The following INTS7 variants were observed in gnomAD, a reference collection of about 807,000 sequenced individuals.
INTS7 encodes the protein chromosome 1 open reading frame 73.
A neutral mutation model predicts 109.2 loss-of-function variants in INTS7; 46 were observed. The ratio of observed to expected loss-of-function variants is 0.42; its 90% confidence interval spans 0.33 to 0.54. The LOEUF (loss-of-function observed/expected upper bound fraction) is 0.54, where lower values mean the gene tolerates loss of function less well. Among genes scored for constraint, INTS7 ranks in the 20% least tolerant of loss-of-function variants. INTS7 has a pLI of 0.07. For synonymous variants in INTS7, 412 were observed against 402.9 expected (o/e 1.02, Z -0.27); for missense variants, 929 against 1,132.4 (o/e 0.82, Z 2.58).
intron 1 of INTS7, chr1:212,030,744 A>G (rs1467556981): frequency 6.6e-6 from 1 of 152,216 alleles, no homozygotes; most frequent in Non-Finnish European, 1.5e-5. Flanking sequence ...CACCTGGAAC[A>G]AATCTGGCTG....
At chr1:211,950,044 C>T (rs932341047) in intron 17 of INTS7, among the ~76,000 whole-genome samples, 1 of 152,192 alleles carries the variant, frequency 6.6e-6, no homozygotes, top group African/African-American at 2.4e-5. Flanking sequence ...TTTTGTACTA[C>T]ATCTCTACCT....
At chr1:211,945,177 T>G (rs1161245934) in intron 18 of INTS7, among the ~76,000 whole-genome samples, 1 of 152,110 alleles carries the variant, frequency 6.6e-6, no homozygotes, top group African/African-American at 2.4e-5. Context: ...ATCCCAAACC[T>G]CAGTTCTATT....
At chr1:212,026,384 T>A (rs1375224584) in intron 1 of INTS7, among the ~76,000 whole-genome samples, 7 of 152,212 alleles carry the variant, frequency 4.6e-5, no homozygotes, top group African/African-American at 1.7e-4. Context: ...TTATAATAAA[T>A]GTTTCTATGG....
intron 1 of INTS7, among the ~76,000 whole-genome samples, chr1:212,022,486 G>A (rs1213604835): frequency 1.3e-5 from 2 of 152,090 alleles, no homozygotes; most frequent in East Asian, 3.8e-4. Flanking sequence ...AAGAATTGAA[G>A]AGAAATTTCA....
At chr1:212,001,303 G>A (rs1665662306) in intron 7 of INTS7, among the ~76,000 whole-genome samples, 4 of 151,728 alleles carry the variant, frequency 2.6e-5, no homozygotes, top group African/African-American at 2.4e-5. Context: ...TACCCACCTC[G>A]GCTTCCCAAA....
At chr1:211,979,757 TG>T (rs952668670) in intron 10 of INTS7, among the ~76,000 whole-genome samples, 7 of 152,306 alleles carry the variant, frequency 4.6e-5, no homozygotes, top group Non-Finnish European at 8.8e-5. Flanking sequence ...CAGCAGTCAT[TG>T]GGCTCAAACA....
At chr1:211,954,206 A>G (rs1663250015) in intron 16 of INTS7, among the ~76,000 whole-genome samples, 1 of 151,702 alleles carries the variant, frequency 6.6e-6, no homozygotes, top group Non-Finnish European at 1.5e-5. Context: ...TTCTTTTGAG[A>G]AGTGTCTGTT....
rs1034352280 is a variant in INTS7, at chr1:211,942,311, G to A, written c.2602-200C>T. Reference sequence around the variant, plus strand: ...CTCCAAAGTCACATGATTAGTGAACGGAGTAGGAATCTGAACACAGGCAGA... The same window carrying A: ...CTCCAAAGTCACATGATTAGTGAACAGAGTAGGAATCTGAACACAGGCAGA... On this transcript the variant is annotated intron_variant, in intron 19 of 19. Coordinates refer to ENST00000366994, the MANE Select transcript of INTS7 (RefSeq NM_015434.4). The surrounding 1 kb of genome is among the most constrained non-coding windows in gnomAD (Gnocchi z 4.2). 2.0e-5 allele frequency among the ~76,000 whole-genome samples: 3 copies of A among 152,124 alleles called. No homozygotes were observed. Among genetic ancestry groups the A allele is most frequent in the Admixed American group, 6.5e-5 (1 of 15,272 alleles).
intron 4 of INTS7, among the ~76,000 whole-genome samples, chr1:212,014,659 C>A (rs1666326091): frequency 6.6e-6 from 1 of 151,506 alleles, no homozygotes. Context: ...GATTCTCCTG[C>A]CTCAGCCTGC....
intron 16 of INTS7, among the ~76,000 whole-genome samples, chr1:211,962,868 C>T (rs1352655972): frequency 6.6e-6 from 1 of 152,084 alleles, no homozygotes; most frequent in Non-Finnish European, 1.5e-5. Flanking sequence ...CTCTGGAACA[C>T]AGCTAGTGTT....
intron 3 of INTS7, among the ~76,000 whole-genome samples, chr1:212,017,312 T>C (rs1666485547): frequency 6.6e-6 from 1 of 152,220 alleles, no homozygotes; most frequent in Non-Finnish European, 1.5e-5. Flanking sequence ...ACTTCTGAAT[T>C]ATTAAAGCAT....
At chr1:212,028,107 G>A (rs544579597) in intron 1 of INTS7, among the ~76,000 whole-genome samples, 14 of 152,250 alleles carry the variant, frequency 9.2e-5, no homozygotes, top group African/African-American at 3.4e-4. Context: ...GATTCCAGGC[G>A]TGAGCCACTG....
chr1:212,006,477 C>A (rs1385624877), intron 7 of INTS7, among the ~76,000 whole-genome samples, 162 bp downstream of exon 7: 1 of 152,076 alleles, frequency 6.6e-6, no homozygotes, highest in East Asian at 1.9e-4. Flanking sequence ...ATTTATTGTG[C>A]CACTTATAAA....
At position 211,959,715 on chromosome 1, in the gene INTS7, C is replaced by T. The variant is rs1016064575; in HGVS notation, c.2183+6715G>A. Among the ~76,000 whole-genome samples the T allele has an allele frequency of 3.4e-4, 52 of 152,136 alleles. No homozygotes were observed. The highest frequency in any genetic ancestry group is 1.2e-3 in the African/African-American group (51 of 41,426). On this transcript the variant is annotated intron_variant, in intron 16 of 19. Transcript: ENST00000366994. The surrounding 1 kb of genome is among the most constrained non-coding windows in gnomAD (Gnocchi z 4.2). ...CCCTGGGAGTGAAACCAGGCGTGAA[C>T]AACAATGGACCTTCCCCTGCCCTAA...
chr1:212,020,005 C>CA (rs2102489568), intron 3 of INTS7, 117 bp downstream of exon 3: 4 of 718,156 alleles, frequency 5.6e-6, no homozygotes, highest in South Asian at 3.4e-5. Flanking sequence ...GACTCTTAGT[C>CA]AAAAAAACAT....
At chr1:211,998,415 A>G (rs1665509612) in intron 7 of INTS7, among the ~76,000 whole-genome samples, 2 of 152,236 alleles carry the variant, frequency 1.3e-5, no homozygotes. Flanking sequence ...ATCCATACAG[A>G]TATTGTCAAC....
Position 211,944,833 on chromosome 1 carries a change from C to G in INTS7, c.2552G>C (p.Cys851Ser). The change falls in exon 19 of 20, where the codon TGT (cysteine) becomes TCT (serine). Residue 851 changes from cysteine to serine, a missense_variant. This residue lies in a region of INTS7 where 787 missense variants were observed against 901.1 expected (regional missense o/e 0.87). Transcript: ENST00000366994. ...PGLFRKIQSV[C>S]LNVSSTLQSK... Reference sequence around the variant, plus strand: ...CTGCAGTGTGGAAGAAACATTCAGACAGACAGACTGAATTTTGCGGAAGAG... The same window carrying G: ...CTGCAGTGTGGAAGAAACATTCAGAGAGACAGACTGAATTTTGCGGAAGAG... 6.2e-7 allele frequency: 1 copy of G among 1,614,190 alleles called. No homozygotes were observed. Among genetic ancestry groups the G allele is most frequent in the South Asian group, 1.1e-5 (1 of 91,082 alleles).
intron 8 of INTS7, among the ~76,000 whole-genome samples, chr1:211,985,770 T>A (rs925547563): frequency 6.6e-6 from 1 of 152,186 alleles, no homozygotes; most frequent in African/African-American, 2.4e-5. Context: ...ATAAACTCCT[T>A]TGCATATGCC....
At chr1:211,962,376 T>G (rs2788129) in intron 16 of INTS7, among the ~76,000 whole-genome samples, 6,790 of 151,816 alleles carry the variant, frequency 0.045, 210 homozygotes, top group African/African-American at 0.08. Flanking sequence ...GCACCCAGAT[T>G]CATAAAGCAA....
Sources: allele counts gnomAD v4.1 joint callset (sites outside exome capture counted in the v4.1 genomes callset), GRCh38; gene constraint gnomAD v4.1.1; regional missense constraint gnomAD v4.1.1; non-coding constraint Gnocchi (gnomAD v3.1); transcripts MANE v1.5; gene names NCBI Gene and HGNC (gene_info 2026-07-23, HGNC 2026-07-21).